Variants in RALY observed in about 807,000 individuals in gnomAD.
RALY encodes the protein RNA-binding protein Raly.
Under a neutral mutation model 30.7 loss-of-function variants are expected in RALY, and 15 were observed. The observed-to-expected ratio is 0.49, with a 90% confidence interval of 0.33 to 0.75. RALY has a LOEUF of 0.75. Ranked by LOEUF, RALY falls within the 30% of genes least tolerant of loss-of-function variation. RALY has a pLI of 0.02. For synonymous variants in RALY, 177 were observed against 170.8 expected, an observed-to-expected ratio of 1.04 and a Z score of -0.28; for missense variants, 339 against 414.3, an observed-to-expected ratio of 0.82 and a Z score of 1.58.
intron 1 of RALY, among the ~76,000 whole-genome samples, chr20:33,998,025 G>A (rs1023290531): frequency 2.0e-5 from 3 of 152,228 alleles, no homozygotes; most frequent in Non-Finnish European, 2.9e-5. Context: ...CAGTCATTTA[G>A]ACCAGCCACC....
In RALY at chr20:34,073,824, A is replaced by G. The variant is rs1012234214; in HGVS notation, c.335A>G (p.Tyr112Cys). 9 of 1,613,972 alleles carry G rather than the reference A, an allele frequency of 5.6e-6. No homozygotes were observed. The African/African-American group carries it at 9.3e-5, about 17-fold the overall frequency. ...TCTCCCCTTTGTTTCCCCAGTGGCT[A>G]CATCTTTGACTATGATTACTACCGG... is the stretch of plus-strand genomic sequence containing the variant. Reference protein sequence around the residue: ...KRAASAIYSGYIFDYDYYRDD... With the variant: ...KRAASAIYSGCIFDYDYYRDD... Residue 112 changes from tyrosine to cysteine, a missense_variant, in exon 5 of 10, where the codon TAC becomes TGC. Around this residue, in one of 2 missense-constraint regions of RALY, gnomAD observed 268 missense variants for 280.6 expected, o/e 0.95. Transcript: ENST00000246194.
At chr20:33,997,369 G>A (rs1405561414) in intron 1 of RALY, among the ~76,000 whole-genome samples, 2 of 152,244 alleles carry the variant, frequency 1.3e-5, no homozygotes, top group South Asian at 2.1e-4. Flanking sequence ...TCCTGTCTTG[G>A]CCTTCCAAAG....
chr20:34,060,000 C>G (rs946043914), intron 2 of RALY, among the ~76,000 whole-genome samples: 1 of 152,204 alleles, frequency 6.6e-6, no homozygotes, highest in Admixed American at 6.5e-5. Flanking sequence ...TGCATTGTTC[C>G]ATATGCTCAT....
At chr20:34,012,873 C>T (rs1408001968) in intron 1 of RALY, among the ~76,000 whole-genome samples, 1 of 152,176 alleles carries the variant, frequency 6.6e-6, no homozygotes, top group Admixed American at 6.5e-5. Flanking sequence ...CTGGATGTGC[C>T]AGGCTGTATC....
chr20:33,998,804 G>T (rs1176068771), intron 1 of RALY, among the ~76,000 whole-genome samples: 1 of 152,062 alleles, frequency 6.6e-6, no homozygotes, highest in Non-Finnish European at 1.5e-5. Context: ...GAAGGTTGTG[G>T]GAGAGCGTGT....
chr20:34,032,586 G>T (rs372342386), intron 2 of RALY, among the ~76,000 whole-genome samples: 2 of 151,658 alleles, frequency 1.3e-5, no homozygotes, highest in Non-Finnish European at 2.9e-5. Flanking sequence ...TCCTGGGCTC[G>T]TGTGATTCAA....
At chr20:34,032,566 G>C (rs934547205) in intron 2 of RALY, among the ~76,000 whole-genome samples, 1 of 151,932 alleles carries the variant, frequency 6.6e-6, no homozygotes, top group Non-Finnish European at 1.5e-5. Flanking sequence ...TGCCCAGGCT[G>C]GTCTCAAACT....
chr20:34,016,089 C>T (rs1261565403), intron 1 of RALY, among the ~76,000 whole-genome samples: 4 of 152,176 alleles, frequency 2.6e-5, no homozygotes, highest in African/African-American at 9.7e-5. Context: ...ACAAGTCCTC[C>T]CCTCCACACA....
chr20:34,067,808 T>C (rs892954747), intron 2 of RALY, among the ~76,000 whole-genome samples: 3 of 100,200 alleles, frequency 3.0e-5, no homozygotes, highest in African/African-American at 1.2e-4. Context: ...GTAGCTTTTT[T>C]CTTTTTTCTT....
chr20:34,052,506 A>G (rs1283962836), intron 2 of RALY, among the ~76,000 whole-genome samples: 1 of 152,240 alleles, frequency 6.6e-6, no homozygotes, highest in Admixed American at 6.5e-5. Context: ...TTTTCTAGCC[A>G]GCAAATCCTA....
chr20:34,010,155 G>C (rs1295635128), intron 1 of RALY, among the ~76,000 whole-genome samples: 2 of 152,170 alleles, frequency 1.3e-5, no homozygotes, highest in Non-Finnish European at 2.9e-5. Context: ...GTAAGGTAGA[G>C]TGGAAGTGAG....
At chr20:34,065,110 G>A (rs188931728) in intron 2 of RALY, 2 of 152,322 alleles carry the variant, frequency 1.3e-5, no homozygotes, top group African/African-American at 4.8e-5. Context: ...GTGTTTCCCA[G>A]CATCTCCACA....
At chr20:34,051,405 G>C (rs553320471) in intron 2 of RALY, among the ~76,000 whole-genome samples, 27 of 152,152 alleles carry the variant, frequency 1.8e-4, no homozygotes, top group Non-Finnish European at 2.6e-4. Flanking sequence ...GCCTCTCTGA[G>C]CTCAGTTTCC....
At chr20:34,050,264 A>G (rs546921408) in intron 2 of RALY, among the ~76,000 whole-genome samples, 11 of 152,238 alleles carry the variant, frequency 7.2e-5, no homozygotes, top group Non-Finnish European at 1.5e-4. Flanking sequence ...CTTAACTTGC[A>G]GAATGTAGGT....
intron 3 of RALY, 108 bp downstream of exon 3, chr20:34,072,438 G>A (rs2033754267): frequency 2.2e-6 from 3 of 1,361,406 alleles, no homozygotes; most frequent in Non-Finnish European, 2.9e-6. Context: ...ACTGCTCTGA[G>A]ATTTTATAAA....
chr20:34,029,486 G>GAGGGAGGT (rs2032185440), intron 1 of RALY, among the ~76,000 whole-genome samples: 1 of 114,924 alleles, frequency 8.7e-6, no homozygotes, highest in South Asian at 3.3e-4. Context: ...GAAAGGGAGG[G>GAGGGAGGT]AGGGAGGGAG....
At chr20:34,073,296 T>C (rs539994429) in intron 3 of RALY, among the ~76,000 whole-genome samples, 42 of 148,486 alleles carry the variant, frequency 2.8e-4, no homozygotes, top group African/African-American at 9.8e-4. Flanking sequence ...GTGTGTGTGG[T>C]GGGGCGGGGG....
intron 2 of RALY, among the ~76,000 whole-genome samples, chr20:34,066,169 CTTTTT>C (rs200689368): frequency 7.9e-6 from 1 of 126,522 alleles, no homozygotes; most frequent in Non-Finnish European, 1.6e-5. Flanking sequence ...TGCTGATCCT[CTTTTT>C]TTTTTTTTTT....
At chr20:34,041,332 T>G (rs1359145629) in intron 2 of RALY, among the ~76,000 whole-genome samples, 1 of 152,214 alleles carries the variant, frequency 6.6e-6, no homozygotes, top group Admixed American at 6.5e-5. Context: ...TGATAGGTTC[T>G]CAAATCTGTA....
Sources: allele counts gnomAD v4.1 joint callset (sites outside exome capture counted in the v4.1 genomes callset), GRCh38; gene constraint gnomAD v4.1.1; regional missense constraint gnomAD v4.1.1; transcripts MANE v1.5; gene names NCBI Gene and HGNC (gene_info 2026-07-23, HGNC 2026-07-21).